The following SORL1 variants were observed in gnomAD, a reference collection of about 807,000 sequenced individuals.
SORL1 encodes the protein sortilin related receptor 1, also known as sortilin-related receptor.
A neutral mutation model predicts 273.7 loss-of-function variants in SORL1; 127 were observed. The observed-to-expected ratio is 0.46, with a 90% CI of 0.40 to 0.54. The LOEUF is 0.54. Ranked by LOEUF, SORL1 falls within the 20% of genes least tolerant of loss-of-function variation. SORL1 has a pLI of 0.00. For synonymous variants in SORL1, 1,031 were observed against 1,067.4 expected (o/e 0.97, Z 0.66); for missense variants, 2,494 against 2,846.1 (o/e 0.88, Z 2.81).
intron 8 of SORL1, 62 bp downstream of exon 8, chr11:121,514,383 T>A: frequency 6.8e-7 from 1 of 1,479,260 alleles, no homozygotes; most frequent in Non-Finnish European, 9.1e-7. Context: ...AGCTTCTCTC[T>A]GGTTCTGTGG....
chr11:121,633,168 G>A lies in SORL1; in HGVS notation c.*3605G>A, dbSNP rs1863897799. 6.6e-6 allele frequency: 1 copy of A among 152,206 alleles called. No individual in the cohort carries two copies. 9.4% of individuals were successfully genotyped at this position (152,206 alleles called of 1,614,324 possible). A position where few individuals can be genotyped will look rare whatever the true frequency, so the allele number is the denominator to read the frequency against. ...AAGAGATATGTACTGCTGGGTACAT[G>A]GACAGTAAGTGTGTTTTCAGATGGA... On this transcript the variant is annotated 3_prime_UTR_variant, in exon 48 of 48. Transcript: ENST00000260197.
At chr11:121,495,710 G>C (rs1483719784) in intron 5 of SORL1, among the ~76,000 whole-genome samples, 2 of 152,162 alleles carry the variant, frequency 1.3e-5, no homozygotes, top group African/African-American at 4.8e-5. Flanking sequence ...GTTGTCCTCT[G>C]AGCTGCTGTG....
chr11:121,622,810 C>G lies in SORL1; in HGVS notation c.6171+542C>G, dbSNP rs1342955395. 4.6e-5 allele frequency among the ~76,000 whole-genome samples: 7 copies of G among 152,292 alleles called. No individual in the cohort carries two copies. In the East Asian group the frequency reaches 1.3e-3, roughly 29 times the overall value. On this transcript the variant is annotated intron_variant, in intron 45 of 47. Transcript: ENST00000260197. ...CCAATATGGTATTCACAGCAAAAGACAGGGGAAGAGGAGTGAGACCTGGGA... is the reference window on the plus strand; with the variant it reads ...CCAATATGGTATTCACAGCAAAAGAGAGGGGAAGAGGAGTGAGACCTGGGA...
Position 121,554,029 on chromosome 11 carries a change from C to A in SORL1, c.2359C>A (p.Leu787Ile), listed in dbSNP as rs547115657. The A allele has an allele frequency of 6.2e-7, 1 of 1,614,206 alleles. No homozygotes were observed. The highest frequency in any genetic ancestry group is 2.2e-5 in the East Asian group (1 of 44,888). Residue 787 changes from leucine to isoleucine, a missense_variant, in exon 17 of 48, where the codon CTA (leucine) becomes ATA (isoleucine). This residue lies in a region of SORL1 where 710 missense variants were observed against 882.5 expected (regional missense o/e 0.80). Transcript: ENST00000260197. The surrounding 1 kb of genome is among the most constrained non-coding windows in gnomAD (Gnocchi z 4.6). ...CACCGAGCAGTTGCCTCTCACCGGG[C>A]TACGGGCAGCAGTGGCCCTGGACTT... is the stretch of plus-strand genomic sequence containing the variant. Reference protein sequence around the residue: ...GATEQLPLTGLRAAVALDFDY... With the variant: ...GATEQLPLTGIRAAVALDFDY...
At chr11:121,526,315 C>T (rs984790828) in intron 11 of SORL1, among the ~76,000 whole-genome samples, 7 of 152,104 alleles carry the variant, frequency 4.6e-5, no homozygotes, top group Admixed American at 2.6e-4. Flanking sequence ...TATTCTGTCC[C>T]ATTAATCTGT....
chr11:121,455,145 ATT>A (rs1173533565), intron 1 of SORL1, among the ~76,000 whole-genome samples: 1 of 151,980 alleles, frequency 6.6e-6, no homozygotes, highest in Non-Finnish European at 1.5e-5. Context: ...CTTTTAGGAA[ATT>A]TACAATTTAA....
chr11:121,518,104 A>AT (rs901689779), intron 8 of SORL1, among the ~76,000 whole-genome samples: 35 of 152,162 alleles, frequency 2.3e-4, no homozygotes, highest in Non-Finnish European at 1.3e-4. Context: ...GGAGGAACTA[A>AT]TGTGCTGAGG....
intron 9 of SORL1, among the ~76,000 whole-genome samples, chr11:121,522,007 C>T (rs902341772): frequency 2.6e-5 from 4 of 152,180 alleles, no homozygotes; most frequent in African/African-American, 4.8e-5. Flanking sequence ...CAGACTGAAT[C>T]GCTTGAAGCC....
At chr11:121,567,465 T>C (rs1862771156) in intron 22 of SORL1, among the ~76,000 whole-genome samples, 1 of 152,206 alleles carries the variant, frequency 6.6e-6, no homozygotes, top group African/African-American at 2.4e-5. Flanking sequence ...CCAGGTTTCT[T>C]ACCTGCTCCT....
chr11:121,525,540 A>G (rs1862108698), intron 11 of SORL1, among the ~76,000 whole-genome samples: 1 of 152,216 alleles, frequency 6.6e-6, no homozygotes, highest in African/African-American at 2.4e-5. Flanking sequence ...TTACATTTCC[A>G]CCAAACAGTA....
chr11:121,609,359 G>A (rs1863526497), intron 38 of SORL1: 1 of 152,226 alleles, frequency 6.6e-6, no homozygotes, highest in Non-Finnish European at 1.5e-5. Flanking sequence ...GAGAAAGCCT[G>A]CTGAATTCAC....
rs761880636 is a variant in SORL1, at chr11:121,567,046, A to C, written c.3156A>C (p.Pro1052=). 6.2e-7 allele frequency: 1 copy of C among 1,614,210 alleles called. No individual in the cohort carries two copies. The highest frequency in any genetic ancestry group is 1.7e-5 in the Admixed American group (1 of 60,030). The stretch of plus-strand genomic sequence containing the variant: ...AGGATGTGTCCAGCAGTGTGCTTCC[A>C]TCAGGGGACCTGATGTGTGACTGCC... The part of the protein sequence containing the change: ...CPEDVSSSVL[P]SGDLMCDCPQ... Residue 1052 remains proline (P), a synonymous_variant, in exon 22 of 48, where the codon CCA becomes CCC. Coordinates refer to ENST00000260197, the MANE Select transcript of SORL1 (RefSeq NM_003105.6).
intron 5 of SORL1, among the ~76,000 whole-genome samples, chr11:121,492,537 C>T (rs1851895257): frequency 6.6e-6 from 1 of 152,136 alleles, no homozygotes; most frequent in African/African-American, 2.4e-5. Flanking sequence ...TTGTCTTTCT[C>T]CCTTCAATAG....
intron 39 of SORL1, 163 bp from the exon 40 acceptor site, chr11:121,612,573 A>T: frequency 1.9e-6 from 1 of 535,848 alleles, no homozygotes. Flanking sequence ...TAATGGTAGC[A>T]CAAGTAGAAC....
intron 42 of SORL1, 53 bp from the exon 43 acceptor site, chr11:121,619,700 A>T: frequency 1.5e-6 from 2 of 1,318,684 alleles, no homozygotes; most frequent in African/African-American, 3.0e-5. Context: ...TTTAATAAAG[A>T]TTGCATAAGG....
chr11:121,621,184 A>C lies in SORL1; in HGVS notation c.6010A>C (p.Ile2004Leu), dbSNP rs1467171538. The change falls in exon 44 of 48, where the codon ATC (isoleucine) becomes CTC (leucine). Residue 2004 changes from isoleucine to leucine, a missense_variant. By Grantham distance (5) the Ile-to-Leu change is conservative. Around this residue, in one of 3 missense-constraint regions of SORL1, gnomAD observed 1,609 missense variants for 1,816.4 expected, o/e 0.89. Transcript: ENST00000260197. The stretch of plus-strand genomic sequence containing the variant: ...GTTGGAGCCTGGCGGGAAATACCAC[A>C]TCATTGTCCAACTGGGGAACATGAG... ...NKLEPGGKYH[I>L]IVQLGNMSKD... is the part of the protein sequence containing the mutation. 1.1e-5 allele frequency: 17 copies of C among 1,614,216 alleles called. No homozygotes were observed. Among genetic ancestry groups the C allele is most frequent in the Non-Finnish European group, 1.4e-5 (17 of 1,180,022 alleles).
chr11:121,477,444 C>G (rs1297384583), intron 2 of SORL1, among the ~76,000 whole-genome samples: 1 of 152,224 alleles, frequency 6.6e-6, no homozygotes, highest in Non-Finnish European at 1.5e-5. Flanking sequence ...TAGCCACATT[C>G]TCCCCCTTCT....
intron 8 of SORL1, among the ~76,000 whole-genome samples, chr11:121,520,424 G>T (rs1394288501): frequency 6.6e-6 from 1 of 152,184 alleles, no homozygotes; most frequent in African/African-American, 2.4e-5. Context: ...CAGATGAGTG[G>T]TTTCCAGGGC....
chr11:121,499,341 G>A (rs562283031), intron 6 of SORL1, among the ~76,000 whole-genome samples: 5 of 152,182 alleles, frequency 3.3e-5, no homozygotes, highest in Non-Finnish European at 5.9e-5. Context: ...GGTAAGATGA[G>A]TTAGGCCACC....
Sources: allele counts gnomAD v4.1 joint callset (sites outside exome capture counted in the v4.1 genomes callset), GRCh38; gene constraint gnomAD v4.1.1; regional missense constraint gnomAD v4.1.1; non-coding constraint Gnocchi (gnomAD v3.1); transcripts MANE v1.5; gene names NCBI Gene and HGNC (gene_info 2026-07-23, HGNC 2026-07-21).